The following LRP1B variants were observed in gnomAD, a reference collection of about 807,000 sequenced individuals.
The protein encoded by LRP1B is LDL receptor related protein 1B, also known as low-density lipoprotein receptor-related protein 1B.
Under a neutral mutation model 556.6 loss-of-function variants are expected in LRP1B, and 217 were observed. That is an observed-to-expected ratio of 0.39 (90% CI 0.35 to 0.44). LRP1B has a LOEUF of 0.44. LRP1B is among the 20% of genes least tolerant of loss of function. LRP1B has a pLI of 1.00. For synonymous variants in LRP1B, 2,047 were observed against 1,865.8 expected (o/e 1.10, Z -2.50); for missense variants, 5,053 against 5,620.8 (o/e 0.90, Z 3.23).
In LRP1B at chr2:141,254,530, C is replaced by T. The variant is rs1348682858; in HGVS notation, c.455G>A (p.Ser152Asn). ...TTATATGTTTTACTTACCTTTACAG[C>T]TTCTCCCATCTTCTGTTATTTCGAA... ...DGFEITEDGRSCKDQDECAVY... is the reference protein window; with the variant it reads ...DGFEITEDGRNCKDQDECAVY... Residue 152 changes from serine (S) to asparagine (N), a missense_variant, in exon 4 of 91, where the codon AGC (serine) becomes AAC (asparagine). Coordinates refer to ENST00000389484, the MANE Select transcript of LRP1B (RefSeq NM_018557.3). 4 of 1,611,634 alleles carry T rather than the reference C, an allele frequency of 2.5e-6. No homozygotes were observed. The highest frequency in any genetic ancestry group is 1.3e-5 in the African/African-American group (1 of 74,826).
rs772295068 is a variant in LRP1B, at chr2:140,903,169, T to C, written c.3521-4A>G. 3.1e-6 allele frequency: 5 copies of C among 1,612,422 alleles called. No individual in the cohort carries two copies. Among genetic ancestry groups the C allele is most frequent in the East Asian group, 4.5e-5 (2 of 44,814 alleles). The stretch of plus-strand genomic sequence containing the variant: ...CCATTGTTCAGCGAACACTCATCTA[T>C]AAAAAGGGGGGAACAGATTATAGGT... On this transcript the variant is annotated splice_polypyrimidine_tract_variant and splice_region_variant and intron_variant, in intron 22 of 90. Transcript: ENST00000389484.
intron 15 of LRP1B, among the ~76,000 whole-genome samples, chr2:141,001,431 A>G (rs1315846941): frequency 6.6e-6 from 1 of 151,942 alleles, no homozygotes; most frequent in African/African-American, 2.4e-5. Flanking sequence ...TTAACTTGTT[A>G]TTTACATTAG....
intron 3 of LRP1B, among the ~76,000 whole-genome samples, chr2:141,382,767 G>A (rs1393591240): frequency 1.3e-5 from 2 of 152,134 alleles, no homozygotes; most frequent in Non-Finnish European, 2.9e-5. Context: ...TTTATTTCTG[G>A]GTTGCCAGGT....
chr2:142,066,542 T>C (rs1705116711), intron 1 of LRP1B, among the ~76,000 whole-genome samples: 1 of 151,496 alleles, frequency 6.6e-6, no homozygotes, highest in Admixed American at 6.6e-5. Flanking sequence ...ATTAGCAACA[T>C]CTTTAATGTG....
At chr2:141,657,292 G>T (rs752672888) in intron 2 of LRP1B, among the ~76,000 whole-genome samples, 1 of 152,038 alleles carries the variant, frequency 6.6e-6, no homozygotes, top group Non-Finnish European at 1.5e-5. Context: ...AATCTTGAAT[G>T]GTGATTCATA....
chr2:140,303,461 C>A (rs1020610871), intron 83 of LRP1B, among the ~76,000 whole-genome samples: 1 of 151,772 alleles, frequency 6.6e-6, no homozygotes, highest in African/African-American at 2.4e-5. Context: ...GTTGGCCAGG[C>A]TGGTCTCGAA....
chr2:141,044,510 C>T (rs1698807391), intron 11 of LRP1B, among the ~76,000 whole-genome samples: 1 of 149,372 alleles, frequency 6.7e-6, no homozygotes, highest in Non-Finnish European at 1.5e-5. Context: ...AAAATTTTCA[C>T]AACCTACTCA....
At chr2:141,525,312 A>G (rs1486749134) in intron 2 of LRP1B, among the ~76,000 whole-genome samples, 1 of 152,110 alleles carries the variant, frequency 6.6e-6, no homozygotes, top group Non-Finnish European at 1.5e-5. Flanking sequence ...TGTCACTTGT[A>G]TCTAATGGAC....
intron 12 of LRP1B, 57 bp downstream of exon 12, chr2:141,019,865 G>T: frequency 7.8e-7 from 1 of 1,285,044 alleles, no homozygotes; most frequent in African/African-American, 1.5e-5. Flanking sequence ...AACTATGTAA[G>T]AAACAAATTT....
At chr2:140,981,030 G>A (rs1005343165) in intron 18 of LRP1B, among the ~76,000 whole-genome samples, 25 of 152,036 alleles carry the variant, frequency 1.6e-4, no homozygotes, top group African/African-American at 5.5e-4. Flanking sequence ...ACTTACACCT[G>A]GGAGTTAACC....
chr2:140,607,246 T>C (rs1275682517), intron 41 of LRP1B, among the ~76,000 whole-genome samples: 2 of 152,120 alleles, frequency 1.3e-5, no homozygotes, highest in East Asian at 3.9e-4. Flanking sequence ...TGATATTCAT[T>C]ATGACGACTG....
At chr2:140,455,785 T>G (rs1343083575) in intron 62 of LRP1B, among the ~76,000 whole-genome samples, 1 of 152,142 alleles carries the variant, frequency 6.6e-6, no homozygotes, top group Non-Finnish European at 1.5e-5. Context: ...AAAAATACAT[T>G]TAGTCATTTT....
At chr2:141,076,868 T>C (rs915548567) in intron 7 of LRP1B, among the ~76,000 whole-genome samples, 2 of 152,126 alleles carry the variant, frequency 1.3e-5, no homozygotes, top group African/African-American at 2.4e-5. Context: ...CTGAGATGAG[T>C]AGCTCTGCAT....
chr2:140,248,937 A>T (rs574116831), intron 86 of LRP1B, among the ~76,000 whole-genome samples: 1 of 150,962 alleles, frequency 6.6e-6, no homozygotes, highest in East Asian at 2.0e-4. Flanking sequence ...CTGCTTAGTT[A>T]TTTCATTATG....
intron 3 of LRP1B, among the ~76,000 whole-genome samples, chr2:141,416,189 A>T (rs749852197): frequency 1.4e-4 from 21 of 152,210 alleles, no homozygotes; most frequent in Middle Eastern, 3.2e-3. Flanking sequence ...TTTACTCACC[A>T]GGTGAGGCTT....
At chr2:141,216,442 A>C (rs1682817813) in intron 6 of LRP1B, among the ~76,000 whole-genome samples, 1 of 152,224 alleles carries the variant, frequency 6.6e-6, no homozygotes, top group Non-Finnish European at 1.5e-5. Flanking sequence ...CAACTAGGTA[A>C]GTGCAGAGGG....
At chr2:140,402,618 T>C (rs1243528678) in intron 66 of LRP1B, among the ~76,000 whole-genome samples, 2 of 151,998 alleles carry the variant, frequency 1.3e-5, no homozygotes, top group Non-Finnish European at 2.9e-5. Context: ...GTCTGGGAGG[T>C]GGATAGCTTT....
intron 2 of LRP1B, among the ~76,000 whole-genome samples, chr2:141,683,213 T>C (rs1691167285): frequency 6.6e-6 from 1 of 152,030 alleles, no homozygotes; most frequent in Admixed American, 6.6e-5. Context: ...AATTTGGTAA[T>C]GGGAAAAAGG....
intron 6 of LRP1B, among the ~76,000 whole-genome samples, chr2:141,207,108 G>A (rs948530983): frequency 6.6e-6 from 1 of 152,202 alleles, no homozygotes; most frequent in African/African-American, 2.4e-5. Context: ...ATTTTATGTC[G>A]TTCTGGGTGT....
Sources: allele counts gnomAD v4.1 joint callset (sites outside exome capture counted in the v4.1 genomes callset), GRCh38; gene constraint gnomAD v4.1.1; transcripts MANE v1.5; gene names NCBI Gene and HGNC (gene_info 2026-07-23, HGNC 2026-07-21).